The following DGKG variants were observed in gnomAD, a reference collection of about 807,000 sequenced individuals.
DGKG encodes DAG kinase gamma.
In DGKG, 78 loss-of-function variants were observed where a neutral mutation model predicts 105.3. That is an observed-to-expected ratio of 0.74 (90% confidence interval 0.62 to 0.89). The LOEUF (loss-of-function observed/expected upper bound fraction) is 0.89, where lower values mean the gene tolerates loss of function less well. Ranked by LOEUF, DGKG falls within the 40% of genes least tolerant of loss-of-function variation. DGKG has a pLI of 0.00. For missense variants in DGKG, 958 were observed against 1,020.1 expected, an observed-to-expected ratio of 0.94 and a Z score of 0.83; for synonymous variants, 346 against 367.1, an observed-to-expected ratio of 0.94 and a Z score of 0.66.
At chr3:186,205,673 G>A (rs1056615183) in intron 21 of DGKG, among the ~76,000 whole-genome samples, 4 of 151,966 alleles carry the variant, frequency 2.6e-5, no homozygotes, top group Non-Finnish European at 4.4e-5. Flanking sequence ...TTGCACCACC[G>A]CACTCCAGCC....
At chr3:186,214,400 C>T (rs897773122) in intron 20 of DGKG, among the ~76,000 whole-genome samples, 5 of 152,182 alleles carry the variant, frequency 3.3e-5, no homozygotes, top group Non-Finnish European at 7.3e-5. Flanking sequence ...TCAAGAATGC[C>T]AGCTACTTAC....
At chr3:186,330,089 T>G (rs1215289154) in intron 1 of DGKG, among the ~76,000 whole-genome samples, 1 of 152,166 alleles carries the variant, frequency 6.6e-6, no homozygotes, top group African/African-American at 2.4e-5. Flanking sequence ...GAGGAGGAAC[T>G]GGGTGATAAA....
chr3:186,355,369 A>T lies in DGKG; in HGVS notation c.-249+6577T>A, dbSNP rs546222646. ...CAACAACACTACTCCTACCACCATG[A>T]TCATCACCACCACCACCACTACCAT... is the stretch of plus-strand genomic sequence containing the variant. On this transcript the variant is annotated intron_variant, in intron 1 of 24. Transcript: ENST00000265022. Among the ~76,000 whole-genome samples, 22 of 109,370 alleles carry T rather than the reference A, an allele frequency of 2.0e-4. 1 individual carries two copies. The highest frequency in any genetic ancestry group is 6.5e-4 in the African/African-American group (19 of 29,184). The allele number at this position is 109,370 out of a possible 152,430, so 71.8% of individuals were successfully genotyped here. A position where few individuals can be genotyped will look rare whatever the true frequency, so the allele number is the denominator to read the frequency against.
chr3:186,294,432 A>G (rs1382884031), intron 5 of DGKG, among the ~76,000 whole-genome samples: 1 of 150,184 alleles, frequency 6.7e-6, no homozygotes, highest in Non-Finnish European at 1.5e-5. Flanking sequence ...GCTACTCAGG[A>G]GGCTGAGACA....
chr3:186,166,329 A>G (rs1454397181), intron 22 of DGKG, among the ~76,000 whole-genome samples: 1 of 152,152 alleles, frequency 6.6e-6, no homozygotes, highest in East Asian at 1.9e-4. Context: ...TTCCCCCTCT[A>G]CATCTACTGA....
chr3:186,328,732 C>A (rs190013743), intron 1 of DGKG, among the ~76,000 whole-genome samples: 360 of 152,046 alleles, frequency 2.4e-3, no homozygotes, highest in Non-Finnish European at 3.5e-3. Context: ...CCTGCCACCA[C>A]GCCCGGCTAA....
At position 186,240,715 on chromosome 3, in the gene DGKG, C is replaced by T. The variant is rs567259151; in HGVS notation, c.1826+1789G>A. ...ATCCCAGCTACTTGGGAGGCTGAGA[C>T]GGAAGAATTGTTTGAACCCAGGAGG... On this transcript the variant is annotated intron_variant, in intron 20 of 24. Coordinates refer to ENST00000265022, the MANE Select transcript of DGKG (RefSeq NM_001346.3). Among the ~76,000 whole-genome samples the T allele has an allele frequency of 1.1e-4, 17 of 150,386 alleles. No homozygotes were observed. In the East Asian group the frequency reaches 1.4e-3, roughly 12 times the overall value.
intron 19 of DGKG, among the ~76,000 whole-genome samples, chr3:186,248,752 T>A (rs1721066643): frequency 6.6e-6 from 1 of 152,172 alleles, no homozygotes. Context: ...AGCTCAGTGG[T>A]CCACAGCTCA....
intron 2 of DGKG, among the ~76,000 whole-genome samples, chr3:186,315,900 C>T (rs552329713): frequency 1.1e-3 from 164 of 152,340 alleles, no homozygotes; most frequent in African/African-American, 3.7e-3. Flanking sequence ...GAGGGAGTTC[C>T]GTTCTAGGAT....
chr3:186,175,197 G>T (rs746241869), intron 22 of DGKG, among the ~76,000 whole-genome samples: 9 of 152,166 alleles, frequency 5.9e-5, no homozygotes, highest in Non-Finnish European at 7.3e-5. Context: ...AGCCAAGATG[G>T]AGGCTGGATT....
At chr3:186,294,897 G>A (rs1260737410) in intron 5 of DGKG, among the ~76,000 whole-genome samples, 1 of 152,208 alleles carries the variant, frequency 6.6e-6, no homozygotes, top group African/African-American at 2.4e-5. Flanking sequence ...TGTCCCTGAA[G>A]CCTTCGGGAA....
Position 186,215,838 on chromosome 3 carries a change from G to T in DGKG, c.1827-3953C>A, listed in dbSNP as rs576671133. Reference sequence around the variant, plus strand: ...TGATTTCCCAGTGGCAGTCGTCTTTGTAACTGAAAGACAGCACTTTTGTTT... The same window carrying T: ...TGATTTCCCAGTGGCAGTCGTCTTTTTAACTGAAAGACAGCACTTTTGTTT... On this transcript the variant is annotated intron_variant, in intron 20 of 24. Coordinates refer to ENST00000265022, the MANE Select transcript of DGKG (RefSeq NM_001346.3). Among the ~76,000 whole-genome samples, 364 of 152,220 alleles carry T rather than the reference G, an allele frequency of 2.4e-3. 1 individual carries two copies. Among genetic ancestry groups the T allele is most frequent in the Non-Finnish European group, 3.3e-3 (226 of 68,004 alleles).
At chr3:186,191,117 T>A (rs1204890906) in intron 21 of DGKG, among the ~76,000 whole-genome samples, 1 of 152,214 alleles carries the variant, frequency 6.6e-6, no homozygotes, top group Non-Finnish European at 1.5e-5. Flanking sequence ...TGGAGCTAGA[T>A]ATGTATCCAG....
chr3:186,150,584 C>A (rs1715711754), intron 24 of DGKG, among the ~76,000 whole-genome samples: 1 of 152,196 alleles, frequency 6.6e-6, no homozygotes. Flanking sequence ...GAGCCCAGTT[C>A]TTCAGATTCC....
At chr3:186,259,287 C>G (rs974362984) in intron 16 of DGKG, among the ~76,000 whole-genome samples, 1 of 152,160 alleles carries the variant, frequency 6.6e-6, no homozygotes, top group Non-Finnish European at 1.5e-5. Context: ...GGAGGACTGT[C>G]TGCCAGTTTT....
chr3:186,265,666 T>TTC (rs1178956417), intron 13 of DGKG, among the ~76,000 whole-genome samples: 3 of 139,448 alleles, frequency 2.2e-5, no homozygotes, highest in African/African-American at 8.0e-5. Context: ...TCTTTTTTTT[T>TTC]TTTTTTTTTT....
intron 6 of DGKG, among the ~76,000 whole-genome samples, chr3:186,285,970 C>T (rs770057169): frequency 1.1e-4 from 16 of 152,210 alleles, no homozygotes; most frequent in Non-Finnish European, 2.4e-4. Flanking sequence ...TGAGCCTCTG[C>T]GCTCCCCGGC....
At chr3:186,215,319 G>A (rs890057013) in intron 20 of DGKG, among the ~76,000 whole-genome samples, 16 of 151,250 alleles carry the variant, frequency 1.1e-4, no homozygotes, top group Middle Eastern at 3.2e-3. Flanking sequence ...GCTGAGGTGG[G>A]AGAATTGCTT....
intron 1 of DGKG, among the ~76,000 whole-genome samples, chr3:186,353,769 C>T (rs1245471712): frequency 1.3e-5 from 2 of 151,814 alleles, no homozygotes; most frequent in Admixed American, 1.3e-4. Context: ...AGAAATGAGT[C>T]CTATGACTAG....
Sources: gnomAD v4.1 joint callset for allele counts (sites outside exome capture counted in the v4.1 genomes callset) on GRCh38, gnomAD v4.1.1 for gene constraint, MANE v1.5 for transcripts, NCBI Gene and HGNC (gene_info 2026-07-23, HGNC 2026-07-21) for gene names.